The following WWOX variants were observed in gnomAD, a reference collection of about 807,000 sequenced individuals.
The protein encoded by WWOX is WW domain containing oxidoreductase.
A neutral mutation model predicts 46.2 loss-of-function variants in WWOX; 69 were observed. That is an observed-to-expected ratio of 1.49 (90% confidence interval 1.23 to 1.82). The LOEUF (loss-of-function observed/expected upper bound fraction) is 1.82. Ranked by LOEUF, WWOX falls within the 40% of genes most tolerant of loss-of-function variation. The pLI, the probability that WWOX is intolerant of heterozygous loss-of-function variation, is 0.00. For synonymous variants in WWOX, 359 were observed against 202.6 expected, an observed-to-expected ratio of 1.77 and a Z score of -6.56; for missense variants, 919 against 542.6, an observed-to-expected ratio of 1.69 and a Z score of -6.89.
chr16:79,072,222 G>A (rs1013178822), intron 8 of WWOX, among the ~76,000 whole-genome samples: 1 of 152,138 alleles, frequency 6.6e-6, no homozygotes, highest in African/African-American at 2.4e-5. Flanking sequence ...GGGGGTTGAG[G>A]CTGCAGTGAG....
At chr16:78,933,270 GT>G (rs1416140748) in intron 8 of WWOX, among the ~76,000 whole-genome samples, 1 of 152,134 alleles carries the variant, frequency 6.6e-6, no homozygotes, top group Non-Finnish European at 1.5e-5. Context: ...AAAACCCAGT[GT>G]CTACTAAAAA....
At chr16:79,134,053 C>T (rs2049935234) in intron 8 of WWOX, among the ~76,000 whole-genome samples, 1 of 151,792 alleles carries the variant, frequency 6.6e-6, no homozygotes, top group African/African-American at 2.4e-5. Flanking sequence ...CTGCTATGGC[C>T]ATAGAGGTTT....
chr16:78,718,092 G>GGT (rs1555522406), intron 8 of WWOX, among the ~76,000 whole-genome samples: 1 of 139,612 alleles, frequency 7.2e-6, no homozygotes. Context: ...GGTTCTGGTG[G>GGT]TTGTATTTTT....
chr16:79,029,942 C>T (rs116402150), intron 8 of WWOX, among the ~76,000 whole-genome samples: 25 of 152,182 alleles, frequency 1.6e-4, no homozygotes, highest in Non-Finnish European at 2.6e-4. Flanking sequence ...GGCCAAGAGC[C>T]GTTGTGTTTT....
intron 8 of WWOX, among the ~76,000 whole-genome samples, chr16:78,671,803 A>G (rs1254714020): frequency 6.6e-6 from 1 of 152,228 alleles, no homozygotes; most frequent in Non-Finnish European, 1.5e-5. Context: ...TTGCCTTGCT[A>G]ATAAAAAGGG....
chr16:79,027,842 T>C (rs1289011079), intron 8 of WWOX, among the ~76,000 whole-genome samples: 2 of 151,912 alleles, frequency 1.3e-5, no homozygotes, highest in African/African-American at 4.9e-5. Flanking sequence ...TAAAGACCCC[T>C]GAACATAGCA....
intron 8 of WWOX, among the ~76,000 whole-genome samples, chr16:79,038,351 TACA>T (rs1002384124): frequency 1.3e-5 from 2 of 152,230 alleles, no homozygotes; most frequent in Middle Eastern, 3.4e-3. Flanking sequence ...ATGCTTATGA[TACA>T]ACATTAGGTG....
intron 8 of WWOX, among the ~76,000 whole-genome samples, chr16:78,688,984 C>T (rs1003444801): frequency 6.6e-6 from 1 of 152,262 alleles, no homozygotes. Flanking sequence ...CTTTCCCTTC[C>T]ACCATGATTG....
intron 8 of WWOX, among the ~76,000 whole-genome samples, chr16:78,543,839 G>A (rs1436303464): frequency 1.3e-5 from 2 of 152,140 alleles, no homozygotes; most frequent in African/African-American, 4.8e-5. Flanking sequence ...TAGGTGCCCT[G>A]TCTTCCTGCT....
chr16:78,438,236 C>G (rs1409794112), intron 8 of WWOX, among the ~76,000 whole-genome samples: 2 of 152,122 alleles, frequency 1.3e-5, no homozygotes, highest in Non-Finnish European at 2.9e-5. Flanking sequence ...GAATTATTAT[C>G]TTTATTTTGT....
chr16:78,563,163 C>G (rs1294454032), intron 8 of WWOX, among the ~76,000 whole-genome samples: 1 of 152,146 alleles, frequency 6.6e-6, no homozygotes, highest in African/African-American at 2.4e-5. Flanking sequence ...AAAAGGATGT[C>G]TGCAATCAAG....
intron 5 of WWOX, among the ~76,000 whole-genome samples, chr16:78,192,039 G>GT (rs1460972620): frequency 1.3e-5 from 2 of 151,974 alleles, no homozygotes; most frequent in Admixed American, 6.6e-5. Context: ...GCCTCTCTGT[G>GT]TTTCTATTTC....
chr16:78,873,687 G>T (rs983700406), intron 8 of WWOX, among the ~76,000 whole-genome samples: 11 of 152,164 alleles, frequency 7.2e-5, no homozygotes, highest in East Asian at 1.9e-4. Context: ...CTACTTGGGA[G>T]ACTGAGGAGG....
chr16:79,138,243 G>C (rs1024510340), intron 8 of WWOX, among the ~76,000 whole-genome samples: 1 of 152,172 alleles, frequency 6.6e-6, no homozygotes, highest in African/African-American at 2.4e-5. Context: ...AAGGTTTTAT[G>C]TTCTAAGAGC....
At chr16:78,831,027 G>T (rs145731076) in intron 8 of WWOX, among the ~76,000 whole-genome samples, 2 of 152,312 alleles carry the variant, frequency 1.3e-5, no homozygotes, top group Non-Finnish European at 2.9e-5. Context: ...GCTAGTGGAA[G>T]GGGAGGGCAG....
chr16:78,379,003 C>A (rs893967085), intron 5 of WWOX, among the ~76,000 whole-genome samples: 1 of 152,178 alleles, frequency 6.6e-6, no homozygotes, highest in African/African-American at 2.4e-5. Flanking sequence ...TGGAACCAGC[C>A]ACATCTCAGT....
intron 8 of WWOX, among the ~76,000 whole-genome samples, chr16:78,785,872 G>A (rs942132475): frequency 1.4e-5 from 2 of 141,594 alleles, no homozygotes; most frequent in South Asian, 2.3e-4. Flanking sequence ...TCTGTAGAGC[G>A]ACACACTTTT....
chr16:78,928,923 C>G (rs1338833240), intron 8 of WWOX, among the ~76,000 whole-genome samples: 4 of 152,174 alleles, frequency 2.6e-5, no homozygotes, highest in Non-Finnish European at 5.9e-5. Context: ...ATAACAACAA[C>G]CAGAAGTGCC....
At chr16:78,352,211 G>A (rs1344916194) in intron 5 of WWOX, among the ~76,000 whole-genome samples, 1 of 152,212 alleles carries the variant, frequency 6.6e-6, no homozygotes, top group East Asian at 1.9e-4. Flanking sequence ...GTTTGGATGT[G>A]CAATGTGAAA....
Sources: gnomAD v4.1 joint callset for allele counts (sites outside exome capture counted in the v4.1 genomes callset) on GRCh38, gnomAD v4.1.1 for gene constraint, MANE v1.5 for transcripts, NCBI Gene and HGNC (gene_info 2026-07-23, HGNC 2026-07-21) for gene names.